DMD: variants seen among roughly 807,000 people sequenced by gnomAD.
The protein encoded by DMD is dystrophin, also known as mutant dystrophin.
Under a neutral mutation model 330.1 loss-of-function variants are expected in DMD, and 63 were observed. The ratio of observed to expected loss-of-function variants is 0.19; its 90% CI spans 0.16 to 0.24. The LOEUF (loss-of-function observed/expected upper bound fraction) is 0.24, where lower values mean the gene tolerates loss of function less well. Ranked by LOEUF, DMD falls within the 10% of genes least tolerant of loss-of-function variation. DMD has a pLI of 1.00. For missense variants in DMD, 3,344 were observed against 2,684.1 expected, an observed-to-expected ratio of 1.25 and a Z score of -5.43; for synonymous variants, 1,223 against 959.8, an observed-to-expected ratio of 1.27 and a Z score of -5.07.
chrX:32,956,531 T>A (rs2091596822), intron 2 of DMD, among the ~76,000 whole-genome samples: 1 of 111,978 alleles, frequency 8.9e-6, no homozygotes, highest in African/African-American at 3.2e-5. Flanking sequence ...GGAATGCTAG[T>A]GATTTTGGCA....
intron 62 of DMD, among the ~76,000 whole-genome samples, chrX:31,293,535 T>C (rs1442221452): frequency 9.0e-6 from 1 of 111,355 alleles, no homozygotes; most frequent in African/African-American, 3.3e-5. Flanking sequence ...TTTTCTGATC[T>C]ATTTATTGAA....
At chrX:31,190,658 G>T in intron 67 of DMD, among the ~76,000 whole-genome samples, 1 of 91,162 alleles carries the variant, frequency 1.1e-5, no homozygotes, top group African/African-American at 4.1e-5. Flanking sequence ...GTAGATAGAG[G>T]CCAGGATTCT....
chrX:32,501,705 G>A, intron 19 of DMD, 50 bp downstream of exon 19: 1 of 911,638 alleles, frequency 1.1e-6, no homozygotes, highest in African/African-American at 1.9e-5. Context: ...ATGAACCTAT[G>A]TGTTTATCAA....
intron 44 of DMD, among the ~76,000 whole-genome samples, chrX:32,179,136 C>G (rs1219732587): frequency 9.0e-6 from 1 of 110,967 alleles, no homozygotes; most frequent in East Asian, 2.8e-4. Context: ...TTCATTTAAG[C>G]TACCATACAA....
intron 47 of DMD, among the ~76,000 whole-genome samples, chrX:31,888,676 C>T (rs1255072607): frequency 3.6e-5 from 4 of 111,622 alleles, no homozygotes; most frequent in Admixed American, 9.5e-5. Context: ...CAACTGGTCT[C>T]GTGGTAAAAT....
At position 32,870,458 on chromosome X, in the gene DMD, G is replaced by C. The variant is rs770623225; in HGVS notation, c.94-20638C>G. Among the ~76,000 whole-genome samples, 224 of 111,844 alleles carry C rather than the reference G, an allele frequency of 2.0e-3. 1 individual carries two copies. The highest frequency in any genetic ancestry group is 6.6e-3 in the African/African-American group (203 of 30,813). ...TTTAAAATTCATACAGAACCAAAAA[G>C]GAGCCCATATAGCCAAGACAATCCT... is the stretch of plus-strand genomic sequence containing the variant. On this transcript the variant is annotated intron_variant, in intron 2 of 78. Coordinates refer to ENST00000357033, the MANE Select transcript of DMD (RefSeq NM_004006.3).
At chrX:31,987,497 T>G (rs2095517965) in intron 44 of DMD, among the ~76,000 whole-genome samples, 1 of 111,743 alleles carries the variant, frequency 8.9e-6, no homozygotes, top group African/African-American at 3.3e-5. Flanking sequence ...ATTTACTGCT[T>G]CTATGAGATC....
chrX:32,626,464 G>A (rs936616167), intron 11 of DMD, among the ~76,000 whole-genome samples: 4 of 104,861 alleles, frequency 3.8e-5, no homozygotes, highest in South Asian at 3.8e-4. Context: ...ACAAAACTCC[G>A]TCTTAAAAAA....
intron 9 of DMD, among the ~76,000 whole-genome samples, chrX:32,691,797 A>G (rs2063300132): frequency 9.0e-6 from 1 of 111,521 alleles, no homozygotes; most frequent in African/African-American, 3.3e-5. Flanking sequence ...AAAATGTGGT[A>G]TATACATACA....
intron 2 of DMD, among the ~76,000 whole-genome samples, chrX:33,019,167 A>G (rs1020095218): frequency 1.8e-5 from 2 of 111,670 alleles, no homozygotes; most frequent in Non-Finnish European, 3.8e-5. Context: ...ATTTTACAAA[A>G]TCAGACCCAT....
At chrX:32,690,479 G>C (rs2063196072) in intron 9 of DMD, among the ~76,000 whole-genome samples, 1 of 111,279 alleles carries the variant, frequency 9.0e-6, no homozygotes, top group South Asian at 3.7e-4. Context: ...ATTTTTCACA[G>C]AAACAGAGAA....
At chrX:31,407,880 C>A (rs1385063665) in intron 60 of DMD, among the ~76,000 whole-genome samples, 1 of 111,270 alleles carries the variant, frequency 9.0e-6, no homozygotes, top group Non-Finnish European at 1.9e-5. Flanking sequence ...TCCATAACTC[C>A]TGTTCTCTCT....
chrX:32,408,250 T>G (rs901819736), intron 30 of DMD, among the ~76,000 whole-genome samples: 2 of 111,899 alleles, frequency 1.8e-5, no homozygotes, highest in Non-Finnish European at 3.8e-5. Context: ...CTTCTGTAGG[T>G]AAGCTCATGT....
At chrX:31,502,935 G>A (rs1001161756) in intron 56 of DMD, among the ~76,000 whole-genome samples, 1 of 111,704 alleles carries the variant, frequency 9.0e-6, no homozygotes, top group African/African-American at 3.2e-5. Flanking sequence ...GCATGTGTGT[G>A]TACATTTAAG....
rs1311350311 is a variant in DMD, at chrX:32,021,621, A to T, written c.6439-53107T>A. On this transcript the variant is annotated intron_variant, in intron 44 of 78. Coordinates refer to ENST00000357033, the MANE Select transcript of DMD (RefSeq NM_004006.3). ...GAACAATTCAAATGTGACTAATGCA[A>T]ATTGCAATGTGCCATAAATGTAAAA... Among the ~76,000 whole-genome samples the T allele has an allele frequency of 3.6e-5, 4 of 112,278 alleles. No individual in the cohort carries two copies. In the East Asian group the frequency reaches 8.4e-4, roughly 24 times the overall value.
intron 55 of DMD, among the ~76,000 whole-genome samples, chrX:31,606,108 T>C (rs1186691916): frequency 9.0e-6 from 1 of 111,087 alleles, no homozygotes; most frequent in Non-Finnish European, 1.9e-5. Flanking sequence ...GATGGTTTTA[T>C]AAGGGGCTCT....
intron 53 of DMD, among the ~76,000 whole-genome samples, chrX:31,662,759 T>C (rs946570343): frequency 8.9e-6 from 1 of 111,817 alleles, no homozygotes; most frequent in Non-Finnish European, 1.9e-5. Flanking sequence ...TAAACTAGGA[T>C]GGGGTTACTT....
intron 1 of DMD, among the ~76,000 whole-genome samples, chrX:33,333,990 T>A (rs2054216299): frequency 9.0e-6 from 1 of 110,725 alleles, no homozygotes; most frequent in Non-Finnish European, 1.9e-5. Flanking sequence ...AAGAAGAAAA[T>A]TCCACTCACT....
chrX:32,288,532 G>A (rs761880122), intron 42 of DMD, among the ~76,000 whole-genome samples: 13 of 111,110 alleles, frequency 1.2e-4, no homozygotes, highest in East Asian at 2.8e-4. Flanking sequence ...TCTTGCTTCC[G>A]CTCTTTCCCC....
Sources: allele counts gnomAD v4.1 joint callset (sites outside exome capture counted in the v4.1 genomes callset), GRCh38; gene constraint gnomAD v4.1.1; transcripts MANE v1.5; gene names NCBI Gene and HGNC (gene_info 2026-07-23, HGNC 2026-07-21).